Variants in GAD1 observed in about 807,000 individuals in gnomAD.
The protein encoded by GAD1 is glutamate decarboxylase 1, also known as 67 kDa glutamic acid decarboxylase.
A neutral mutation model predicts 75.2 loss-of-function variants in GAD1; 35 were observed. That is an observed-to-expected ratio of 0.47 (90% CI 0.36 to 0.62). GAD1 has a LOEUF of 0.62. Among genes scored for constraint, GAD1 ranks in the 20% least tolerant of loss-of-function variants. The pLI is 0.00. For synonymous variants in GAD1, 257 were observed against 271.9 expected (o/e 0.95, Z 0.54); for missense variants, 490 against 758.5 (o/e 0.65, Z 4.16).
At chr2:170,848,183 G>A (rs1007724011) in intron 11 of GAD1, among the ~76,000 whole-genome samples, 4 of 152,144 alleles carry the variant, frequency 2.6e-5, no homozygotes, top group Admixed American at 6.5e-5. Flanking sequence ...CAGTCCAGCC[G>A]TCTATGACAC....
At chr2:170,837,123 T>C (rs1218948762) in intron 6 of GAD1, among the ~76,000 whole-genome samples, 1 of 152,226 alleles carries the variant, frequency 6.6e-6, no homozygotes, top group Non-Finnish European at 1.5e-5. Context: ...ACTTCCAAAA[T>C]GTAGTCTTGA....
chr2:170,839,471 G>A (rs1341963477), intron 6 of GAD1, among the ~76,000 whole-genome samples: 6 of 152,102 alleles, frequency 3.9e-5, no homozygotes, highest in South Asian at 2.1e-4. Context: ...AAAATGAGCC[G>A]GGTGTGGTGG....
rs1422933122 is a variant in GAD1, at chr2:170,844,035, A to C, written c.639-10A>C. On this transcript the variant is annotated splice_polypyrimidine_tract_variant and intron_variant, in intron 6 of 16. Transcript: ENST00000358196. ...ATTTTCTTTCATCCTTCTTCTTACC[A>C]CCTTTCCAGGTTTACATATGAAATT... 7.0e-7 allele frequency: 1 copy of C among 1,427,174 alleles called. No individual in the cohort carries two copies. The highest frequency in any genetic ancestry group is 9.9e-7 in the Non-Finnish European group (1 of 1,009,806). 88.4% of individuals were successfully genotyped at this position (1,427,174 alleles called of 1,614,324 possible). A position where few individuals can be genotyped will look rare whatever the true frequency, so the allele number is the denominator to read the frequency against.
At chr2:170,844,649 C>T (rs1480169239) in intron 7 of GAD1, among the ~76,000 whole-genome samples, 1 of 152,098 alleles carries the variant, frequency 6.6e-6, no homozygotes, top group African/African-American at 2.4e-5. Context: ...TTTGATTATG[C>T]TGGGGATCAG....
intron 12 of GAD1, among the ~76,000 whole-genome samples, chr2:170,852,087 T>G (rs1167708925): frequency 1.3e-5 from 2 of 152,154 alleles, no homozygotes; most frequent in Non-Finnish European, 2.9e-5. Context: ...AAAAGGGCTG[T>G]GCACTTAGAG....
In GAD1 at chr2:170,822,127, A is replaced by G. The variant is rs1701900506; in HGVS notation, c.123A>G (p.Arg41=). ...GCGGCGTGGCCCATGGATGCACCAG[A>G]AAACTGGGGCTCAAGATCTGCGGTA... ...TWCGVAHGCT[R]KLGLKICGFL... is the part of the protein sequence containing the mutation. Residue 41 remains arginine, a synonymous_variant, in exon 3 of 17, where the codon AGA becomes AGG. Transcript: ENST00000358196. 6.2e-7 allele frequency: 1 copy of G among 1,612,554 alleles called. No homozygotes were observed. The highest frequency in any genetic ancestry group is 1.1e-5 in the South Asian group (1 of 90,646).
At chr2:170,827,499 G>T (rs1483022927) in intron 3 of GAD1, among the ~76,000 whole-genome samples, 2 of 152,256 alleles carry the variant, frequency 1.3e-5, no homozygotes, top group Non-Finnish European at 2.9e-5. Flanking sequence ...GATGTGGAGG[G>T]AGTGTGCTCC....
intron 11 of GAD1, 123 bp from the exon 12 acceptor site, chr2:170,849,163 G>A: frequency 2.4e-6 from 2 of 844,700 alleles, no homozygotes; most frequent in Admixed American, 2.0e-5. Context: ...GAACTTTTCT[G>A]AGAAACTTAT....
At chr2:170,836,648 C>T in intron 5 of GAD1, 145 bp from the exon 6 acceptor site, 1 of 701,344 alleles carries the variant, frequency 1.4e-6, no homozygotes, top group Non-Finnish European at 2.6e-6. Flanking sequence ...CCTGCCCTTC[C>T]TTTTTCAATA....
intron 6 of GAD1, among the ~76,000 whole-genome samples, chr2:170,838,183 G>A (rs952550142): frequency 2.6e-4 from 39 of 152,302 alleles, no homozygotes; most frequent in African/African-American, 7.5e-4. Context: ...AAACTAAAAC[G>A]ATGTTCATGC....
intron 3 of GAD1, among the ~76,000 whole-genome samples, chr2:170,828,105 G>GTCCTCGCCC (rs765544734): frequency 1.6e-4 from 2 of 12,552 alleles, no homozygotes; most frequent in African/African-American, 3.5e-4. Flanking sequence ...TCCTTCTGCT[G>GTCCTCGCCC]TCCTCCCTCT....
chr2:170,852,803 C>A lies in GAD1; in HGVS notation c.1263+11C>A, dbSNP rs1231630904. 5 of 1,612,236 alleles carry A rather than the reference C, an allele frequency of 3.1e-6. No homozygotes were observed. Among genetic ancestry groups the A allele is most frequent in the African/African-American group, 1.3e-5 (1 of 74,978 alleles). ...CTCGTCAAGGAAAAGGTCTGTACTC[C>A]CTCCAAAGCTACACTGGGGCCCGTA... On this transcript the variant is annotated intron_variant, in intron 13 of 16. Transcript: ENST00000358196.
chr2:170,836,833 T>C lies in GAD1; in HGVS notation c.588T>C (p.Asp196=), dbSNP rs1559278076. 1 of 1,614,058 alleles carries C rather than the reference T, an allele frequency of 6.2e-7. No homozygotes were observed. The highest frequency in any genetic ancestry group is 8.5e-7 in the Non-Finnish European group (1 of 1,179,938). The part of the protein sequence containing the change: ...RFFNQLSTGL[D]IIGLAGEWLT... ...TCAACCAGCTCTCCACTGGATTGGA[T>C]ATTATTGGCCTAGCTGGAGAATGGC... The change falls in exon 6 of 17, where the codon GAT becomes GAC. Residue 196 remains aspartate (D), a synonymous_variant. Transcript: ENST00000358196.
chr2:170,848,930 T>C (rs1419043902), intron 11 of GAD1: 15 of 419,380 alleles, frequency 3.6e-5, no homozygotes, highest in Non-Finnish European at 6.9e-5. Flanking sequence ...GCCTCAGTTT[T>C]TTGAGCAGCT....
Position 170,845,796 on chromosome 2 carries a change from GA to G in GAD1, c.947+12del, listed in dbSNP as rs1446755422. The G allele has an allele frequency of 1.2e-6, 2 of 1,612,866 alleles. No homozygotes were observed. The highest frequency in any genetic ancestry group is 1.7e-6 in the Non-Finnish European group (2 of 1,178,958). ...AAAGTGCAATGAAAGGTAGGCAGGGGAGGGTGAATATTAGGTTCTTGATGTA... is the reference window on the plus strand; with the variant it reads ...AAAGTGCAATGAAAGGTAGGCAGGGGGGGTGAATATTAGGTTCTTGATGTA... On this transcript the variant is annotated intron_variant, in intron 9 of 16. Transcript: ENST00000358196.
intron 11 of GAD1, among the ~76,000 whole-genome samples, chr2:170,848,236 G>A (rs1356394899): frequency 1.3e-5 from 2 of 152,174 alleles, no homozygotes; most frequent in Non-Finnish European, 1.5e-5. Flanking sequence ...GGTGGCTCAC[G>A]CTTGTAATGC....
intron 2 of GAD1, among the ~76,000 whole-genome samples, chr2:170,819,685 A>G (rs1701811942): frequency 6.7e-6 from 1 of 149,458 alleles, no homozygotes. Context: ...AAGTGTTCCC[A>G]CTCCCCCATT....
At chr2:170,825,473 A>G (rs1420385) in intron 3 of GAD1, among the ~76,000 whole-genome samples, 59,725 of 152,086 alleles carry the variant, frequency 0.39, 12,415 homozygotes, top group East Asian at 0.49. Context: ...TGAACAGAGA[A>G]TGTGCTGGGC....
Position 170,839,696 on chromosome 2 carries a change from C to T in GAD1, c.638+2813C>T, listed in dbSNP as rs148566205. ...TGCAGTATATTCTTCTTCTAAGCAA[C>T]GACCCAGTGAAGATCCAAACAAAAG... On this transcript the variant is annotated intron_variant, in intron 6 of 16. Transcript: ENST00000358196. Among the ~76,000 whole-genome samples the T allele has an allele frequency of 1.0e-3, 154 of 151,978 alleles. 1 individual carries two copies. Among genetic ancestry groups the T allele is most frequent in the African/African-American group, 3.0e-3 (123 of 41,460 alleles).
Sources: gnomAD v4.1 joint callset for allele counts (sites outside exome capture counted in the v4.1 genomes callset) on GRCh38, gnomAD v4.1.1 for gene constraint, MANE v1.5 for transcripts, NCBI Gene and HGNC (gene_info 2026-07-23, HGNC 2026-07-21) for gene names.